The following ARHGAP10 variants were observed in gnomAD, a reference collection of about 807,000 sequenced individuals.
ARHGAP10 encodes Rho GTPase activating protein 10, also known as rho GTPase-activating protein 10.
Under a neutral mutation model 108.6 loss-of-function variants are expected in ARHGAP10, and 87 were observed. The observed-to-expected ratio is 0.80, with a 90% CI of 0.67 to 0.96. The LOEUF is 0.96. Among genes scored for constraint, ARHGAP10 ranks in the 40% least tolerant of loss-of-function variants. The probability of loss-of-function intolerance (pLI) is 0.00; values close to 1 mark genes in which losing one functional copy is unlikely to be tolerated. For synonymous variants in ARHGAP10, 347 were observed against 341.1 expected, an observed-to-expected ratio of 1.02 and a Z score of -0.19; for missense variants, 939 against 954.5, an observed-to-expected ratio of 0.98 and a Z score of 0.21.
chr4:148,025,427 T>A, intron 19 of ARHGAP10, among the ~76,000 whole-genome samples: 1 of 152,138 alleles, frequency 6.6e-6, no homozygotes, highest in East Asian at 1.9e-4. Context: ...AGTGATTTAA[T>A]CTTATGTTAG....
intron 3 of ARHGAP10, among the ~76,000 whole-genome samples, chr4:147,843,517 T>TTTTTTCTTTTTC (rs147858413): frequency 6.6e-6 from 1 of 152,070 alleles, no homozygotes; most frequent in Non-Finnish European, 1.5e-5. Context: ...TGAACTCCTT[T>TTTTTTCTTTTTC]TTTTTCTTTT....
intron 21 of ARHGAP10, among the ~76,000 whole-genome samples, chr4:148,063,898 G>T (rs1299324851): frequency 1.3e-5 from 2 of 152,202 alleles, no homozygotes; most frequent in Non-Finnish European, 2.9e-5. Flanking sequence ...GCCTTTCTTG[G>T]GGCGGAGGCA....
chr4:147,893,184 G>T (rs1462304646), intron 10 of ARHGAP10, among the ~76,000 whole-genome samples: 1 of 151,772 alleles, frequency 6.6e-6, no homozygotes, highest in East Asian at 1.9e-4. Flanking sequence ...TCAGCCTCCT[G>T]AGTAGCTGGG....
chr4:147,750,061 T>C (rs1241285142), intron 1 of ARHGAP10, among the ~76,000 whole-genome samples: 1 of 152,242 alleles, frequency 6.6e-6, no homozygotes, highest in Non-Finnish European at 1.5e-5. Flanking sequence ...TTTTAAAAAG[T>C]GCTTCTTTGT....
At chr4:147,787,678 C>T (rs749626287) in intron 1 of ARHGAP10, among the ~76,000 whole-genome samples, 1 of 152,180 alleles carries the variant, frequency 6.6e-6, no homozygotes, top group Non-Finnish European at 1.5e-5. Flanking sequence ...GCTTCCCTGG[C>T]TCAGCCCTCA....
chr4:147,741,792 GCACACACACACACACACACA>G (rs112095776), intron 1 of ARHGAP10, among the ~76,000 whole-genome samples: 6 of 57,664 alleles, frequency 1.0e-4, no homozygotes, highest in Admixed American at 2.2e-4. Context: ...ACACACACAC[GCACACACACACACACACACA>G]CACACACACA....
intron 12 of ARHGAP10, 147 bp downstream of exon 12, chr4:147,909,924 A>C (rs78283456): frequency 2.7e-6 from 2 of 734,400 alleles, no homozygotes; most frequent in Non-Finnish European, 4.5e-6. Context: ...CCTCTATTGC[A>C]TGTGTTCTGT....
intron 22 of ARHGAP10, among the ~76,000 whole-genome samples, chr4:148,068,232 C>A (rs988261535): frequency 3.3e-5 from 5 of 152,142 alleles, no homozygotes; most frequent in Non-Finnish European, 7.3e-5. Flanking sequence ...AGGAGCGACC[C>A]CACGTGGCAG....
intron 1 of ARHGAP10, among the ~76,000 whole-genome samples, chr4:147,742,255 A>G (rs1326207787): frequency 6.6e-6 from 1 of 152,060 alleles, no homozygotes; most frequent in African/African-American, 2.4e-5. Flanking sequence ...TTCAGTGCCT[A>G]CATTTTTCTT....
At chr4:147,767,159 T>C (rs1177707335) in intron 1 of ARHGAP10, among the ~76,000 whole-genome samples, 2 of 152,092 alleles carry the variant, frequency 1.3e-5, no homozygotes, top group South Asian at 2.1e-4. Context: ...TCTACCTGTA[T>C]GTTAAAGCAA....
intron 13 of ARHGAP10, among the ~76,000 whole-genome samples, chr4:147,936,330 T>TA (rs1737933693): frequency 7.3e-6 from 1 of 136,412 alleles, no homozygotes; most frequent in African/African-American, 2.7e-5. Context: ...TTTTTTTTTT[T>TA]TTTTTTTTTG....
chr4:147,973,834 T>G (rs1321083074), intron 18 of ARHGAP10, among the ~76,000 whole-genome samples: 2 of 152,196 alleles, frequency 1.3e-5, no homozygotes, highest in Admixed American at 1.3e-4. Context: ...ATAATTACCT[T>G]CAGTTCCATC....
chr4:147,832,358 A>T (rs867289664), intron 3 of ARHGAP10, among the ~76,000 whole-genome samples: 45 of 142,658 alleles, frequency 3.2e-4, no homozygotes, highest in South Asian at 6.6e-4. Flanking sequence ...TTTTTTTTTA[A>T]AAAGAGGAGT....
At chr4:147,789,474 T>A (rs1220130302) in intron 1 of ARHGAP10, among the ~76,000 whole-genome samples, 2 of 152,174 alleles carry the variant, frequency 1.3e-5, no homozygotes, top group Non-Finnish European at 2.9e-5. Flanking sequence ...GTATTTTTAG[T>A]AGAGATAGGG....
At chr4:147,883,895 A>G (rs924285333) in intron 10 of ARHGAP10, among the ~76,000 whole-genome samples, 3 of 151,968 alleles carry the variant, frequency 2.0e-5, no homozygotes, top group Admixed American at 6.6e-5. Flanking sequence ...GGGTTTTGCT[A>G]TGTTGGCCAG....
intron 16 of ARHGAP10, 143 bp downstream of exon 16, chr4:147,955,517 C>CAAGGATGAGGGGAGG: frequency 1.5e-6 from 1 of 682,386 alleles, no homozygotes; most frequent in Non-Finnish European, 2.5e-6. Flanking sequence ...TGGTGCCTCC[C>CAAGGATGAGGGGAGG]CTCATCCTTG....
chr4:147,769,683 T>C (rs953934020), intron 1 of ARHGAP10, among the ~76,000 whole-genome samples: 4 of 152,224 alleles, frequency 2.6e-5, no homozygotes, highest in African/African-American at 9.6e-5. Flanking sequence ...TATTGTCTTT[T>C]AATTGTTTTG....
At chr4:147,941,031 A>G (rs1738147933) in intron 14 of ARHGAP10, among the ~76,000 whole-genome samples, 1 of 152,310 alleles carries the variant, frequency 6.6e-6, no homozygotes, top group Non-Finnish European at 1.5e-5. Flanking sequence ...AATTAAATAG[A>G]CTCAGGTTGC....
intron 1 of ARHGAP10, among the ~76,000 whole-genome samples, chr4:147,759,815 C>A (rs1729522008): frequency 2.0e-5 from 3 of 152,146 alleles, no homozygotes; most frequent in Admixed American, 1.3e-4. Context: ...GTGGTGGGAT[C>A]TCAGCTCACC....
Sources: gnomAD v4.1 joint callset for allele counts (sites outside exome capture counted in the v4.1 genomes callset) on GRCh38, gnomAD v4.1.1 for gene constraint, MANE v1.5 for transcripts, NCBI Gene and HGNC (gene_info 2026-07-23, HGNC 2026-07-21) for gene names.